Variants in N4BP1 observed in about 807,000 individuals in gnomAD.
The protein encoded by N4BP1 is NEDD4-binding protein 1.
A neutral mutation model predicts 70.9 loss-of-function variants in N4BP1; 21 were observed. The observed-to-expected ratio is 0.30, with a 90% CI of 0.21 to 0.43. The LOEUF is 0.43. N4BP1 is among the 20% of genes least tolerant of loss of function. The probability of loss-of-function intolerance (pLI) is 1.00; values close to 1 mark genes in which losing one functional copy is unlikely to be tolerated. For synonymous variants in N4BP1, 387 were observed against 394.6 expected (o/e 0.98, Z 0.23); for missense variants, 936 against 1,069.4 (o/e 0.88, Z 1.74).
chr16:48,593,995 C>G (rs1225492230), intron 1 of N4BP1, among the ~76,000 whole-genome samples: 1 of 119,076 alleles, frequency 8.4e-6, no homozygotes, highest in Non-Finnish European at 1.6e-5. Flanking sequence ...GAGCAAGACT[C>G]CGTCTCAAAA....
intron 1 of N4BP1, among the ~76,000 whole-genome samples, chr16:48,565,333 A>G (rs1182904796): frequency 1.3e-5 from 2 of 152,192 alleles, no homozygotes; most frequent in East Asian, 1.9e-4. Context: ...GAAGTTACCT[A>G]TTCTCTAGGA....
At chr16:48,590,650 C>A (rs1038927105) in intron 1 of N4BP1, among the ~76,000 whole-genome samples, 5 of 152,210 alleles carry the variant, frequency 3.3e-5, no homozygotes, top group African/African-American at 4.8e-5. Context: ...GCACTGCCAA[C>A]CCAATGTGCA....
rs539375534 is a variant in N4BP1 at position 48,549,854 on chromosome 16, A to G, written c.2117+1532T>C. 1.1e-3 allele frequency among the ~76,000 whole-genome samples: 160 copies of G among 152,312 alleles called. 2 individuals are homozygous for G. Among genetic ancestry groups the G allele is most frequent in the Non-Finnish European group, 1.8e-3 (121 of 68,028 alleles). ...GGTCACAAGCTAAACACTATCTTCAATGGAGTGGTGTTTTGGTGGAACACA... is the reference window on the plus strand; with the variant it reads ...GGTCACAAGCTAAACACTATCTTCAGTGGAGTGGTGTTTTGGTGGAACACA... On this transcript the variant is annotated intron_variant, in intron 4 of 6. Coordinates refer to ENST00000262384, the MANE Select transcript of N4BP1 (RefSeq NM_153029.4).
chr16:48,583,276 C>A (rs1374381050), intron 1 of N4BP1, among the ~76,000 whole-genome samples: 1 of 151,838 alleles, frequency 6.6e-6, no homozygotes, highest in African/African-American at 2.4e-5. Context: ...CATAGATAAA[C>A]CTGAAAACAT....
At chr16:48,576,953 C>G (rs75230801) in intron 1 of N4BP1, among the ~76,000 whole-genome samples, 14,838 of 152,166 alleles carry the variant, frequency 0.098, 798 homozygotes, top group Non-Finnish European at 0.13. Flanking sequence ...GGTTAGAGTG[C>G]AGAGGTGTGA....
At chr16:48,557,314 T>C (rs1288767769) in intron 2 of N4BP1, among the ~76,000 whole-genome samples, 4 of 152,166 alleles carry the variant, frequency 2.6e-5, no homozygotes, top group Non-Finnish European at 5.9e-5. Context: ...AAGTATCCAA[T>C]GATGCGTTGG....
At chr16:48,579,012 A>C (rs1269572790) in intron 1 of N4BP1, among the ~76,000 whole-genome samples, 1 of 56,104 alleles carries the variant, frequency 1.8e-5, no homozygotes, top group African/African-American at 1.3e-4. Flanking sequence ...GACAATGCCA[A>C]GAGACATTTG....
chr16:48,540,214 G>T lies in N4BP1; in HGVS notation c.*2690C>A, dbSNP rs1389569388. ...GAGGACAAGGAGGTGCGAGGAAAGGGGTTGGGGGATGGTCCCACAGGCAGC... is the reference window on the plus strand; with the variant it reads ...GAGGACAAGGAGGTGCGAGGAAAGGTGTTGGGGGATGGTCCCACAGGCAGC... On this transcript the variant is annotated 3_prime_UTR_variant, in exon 7 of 7. Transcript: ENST00000262384. 5 of 152,808 alleles carry T rather than the reference G, an allele frequency of 3.3e-5. No individual in the cohort carries two copies. The highest frequency in any genetic ancestry group is 6.5e-5 in the Admixed American group (1 of 15,312). The allele number at this position is 152,808 out of a possible 1,614,324, so 9.5% of individuals were successfully genotyped here. A position where few individuals can be genotyped will look rare whatever the true frequency, so the allele number is the denominator to read the frequency against.
chr16:48,602,040 T>C (rs1266643621), intron 1 of N4BP1, among the ~76,000 whole-genome samples: 1 of 152,164 alleles, frequency 6.6e-6, no homozygotes, highest in Non-Finnish European at 1.5e-5. Flanking sequence ...CCGGCCAACA[T>C]GGTGAAACCC....
intron 1 of N4BP1, among the ~76,000 whole-genome samples, chr16:48,578,584 T>C (rs754762874): frequency 6.6e-6 from 1 of 152,172 alleles, no homozygotes; most frequent in African/African-American, 2.4e-5. Context: ...TCTAAACTCT[T>C]CTTCCTACTG....
intron 1 of N4BP1, chr16:48,600,216 A>G: frequency 1.3e-6 from 1 of 748,722 alleles, no homozygotes; most frequent in South Asian, 1.4e-5. Context: ...TGGCCACGGC[A>G]TGATGTTCAT....
intron 1 of N4BP1, among the ~76,000 whole-genome samples, chr16:48,591,632 GTT>G (rs34007822): frequency 0.017 from 2,309 of 136,982 alleles, 62 homozygotes; most frequent in African/African-American, 0.058. Context: ...AAAGGCCTTG[GTT>G]TTTTTTTTTT....
rs1453786054 is a variant in N4BP1 at position 48,562,333 on chromosome 16, G to C, written c.310C>G (p.Gln104Glu). ...AESLFLKSLI[Q>E]DTCADLCILD... ...ATGCAGAGGTCAGCACAAGTATCCT[G>C]AATCAAGCTTTTCAGAAACAGGCTC... Residue 104 changes from glutamine (Q) to glutamate (E), a missense_variant, in exon 2 of 7, where the codon CAG (glutamine) becomes GAG (glutamate). By Grantham distance (29) the Gln-to-Glu change is conservative. Coordinates refer to ENST00000262384, the MANE Select transcript of N4BP1 (RefSeq NM_153029.4). 1.2e-6 allele frequency: 2 copies of C among 1,613,814 alleles called. No homozygotes were observed. Among genetic ancestry groups the C allele is most frequent in the South Asian group, 2.2e-5 (2 of 91,072 alleles).
At chr16:48,564,645 T>C (rs1282309301) in intron 1 of N4BP1, among the ~76,000 whole-genome samples, 1 of 152,246 alleles carries the variant, frequency 6.6e-6, no homozygotes, top group Non-Finnish European at 1.5e-5. Flanking sequence ...TTCCAGTTCC[T>C]TTGTCTTCCC....
intron 1 of N4BP1, among the ~76,000 whole-genome samples, chr16:48,588,721 C>G (rs1964285480): frequency 6.6e-6 from 1 of 152,154 alleles, no homozygotes; most frequent in Non-Finnish European, 1.5e-5. Flanking sequence ...TTGGTGGCCA[C>G]TAGTTACATG....
intron 1 of N4BP1, among the ~76,000 whole-genome samples, chr16:48,566,361 A>G (rs1038796605): frequency 6.6e-6 from 1 of 152,052 alleles, no homozygotes; most frequent in African/African-American, 2.4e-5. Context: ...TTTCTAATGT[A>G]AGCATTTAAG....
At chr16:48,583,041 A>G (rs1964196365) in intron 1 of N4BP1, among the ~76,000 whole-genome samples, 1 of 152,190 alleles carries the variant, frequency 6.6e-6, no homozygotes, top group East Asian at 1.9e-4. Context: ...AACTATGACC[A>G]CATCACTGCA....
intron 1 of N4BP1, among the ~76,000 whole-genome samples, chr16:48,572,198 CTAAA>C (rs1273504732): frequency 2.0e-5 from 3 of 151,948 alleles, no homozygotes; most frequent in African/African-American, 4.8e-5. Context: ...GACCCTGTCT[CTAAA>C]TAAATAAATA....
intron 1 of N4BP1, among the ~76,000 whole-genome samples, chr16:48,596,092 C>T (rs1026200182): frequency 2.0e-5 from 3 of 152,130 alleles, no homozygotes; most frequent in African/African-American, 4.8e-5. Context: ...GTTTATTTTG[C>T]AAACAAATCA....
Sources: gnomAD v4.1 joint callset for allele counts (sites outside exome capture counted in the v4.1 genomes callset) on GRCh38, gnomAD v4.1.1 for gene constraint, MANE v1.5 for transcripts, NCBI Gene and HGNC (gene_info 2026-07-23, HGNC 2026-07-21) for gene names.